The following C3orf20 variants were observed in gnomAD, a reference collection of about 807,000 sequenced individuals.
C3orf20 encodes family with sequence similarity 149 member C.
In C3orf20, 76 loss-of-function variants were observed where a neutral mutation model predicts 88.3. That is an observed-to-expected ratio of 0.86 (90% CI 0.72 to 1.04). The LOEUF is 1.04. C3orf20 is among the 50% of genes least tolerant of loss of function. C3orf20 has a pLI of 0.00. For missense variants in C3orf20, 1,056 were observed against 1,123.3 expected, an observed-to-expected ratio of 0.94 and a Z score of 0.86; for synonymous variants, 436 against 437.4, an observed-to-expected ratio of 1.00 and a Z score of 0.04.
intron 4 of C3orf20, among the ~76,000 whole-genome samples, chr3:14,689,113 TCA>T (rs1264358837): frequency 6.6e-6 from 1 of 152,158 alleles, no homozygotes; most frequent in Non-Finnish European, 1.5e-5. Flanking sequence ...TCTTCTGAAA[TCA>T]CACTTAATTT....
At chr3:14,737,743 T>G (rs1006162732) in intron 12 of C3orf20, among the ~76,000 whole-genome samples, 13 of 152,240 alleles carry the variant, frequency 8.5e-5, no homozygotes, top group African/African-American at 3.1e-4. Flanking sequence ...CTCTGTAGCA[T>G]TTGATGCTGT....
At chr3:14,730,882 T>G (rs1326204303) in intron 12 of C3orf20, among the ~76,000 whole-genome samples, 1 of 152,234 alleles carries the variant, frequency 6.6e-6, no homozygotes. Flanking sequence ...AAGTGGTTTT[T>G]TATTTGCATT....
At chr3:14,771,082 C>A (rs1366552285) in intron 15 of C3orf20, among the ~76,000 whole-genome samples, 1 of 152,180 alleles carries the variant, frequency 6.6e-6, no homozygotes. Flanking sequence ...GAGGCAGAGC[C>A]TTGGGGAGGT....
chr3:14,729,110 C>G (rs1238676834), intron 12 of C3orf20, among the ~76,000 whole-genome samples: 2 of 152,200 alleles, frequency 1.3e-5, no homozygotes. Flanking sequence ...TCTACAGCCA[C>G]TTCCTTGTGA....
rs1249709074 is a variant in C3orf20 at position 14,772,951 on chromosome 3, T to TC, written c.*80dup. 3.8e-6 allele frequency: 4 copies of TC among 1,050,672 alleles called. No individual in the cohort carries two copies. The highest frequency in any genetic ancestry group is 2.6e-4 in the Middle Eastern group (1 of 3,796). 65.1% of individuals were successfully genotyped at this position (1,050,672 alleles called of 1,614,324 possible). A position where few individuals can be genotyped will look rare whatever the true frequency, so the allele number is the denominator to read the frequency against. On this transcript the variant is annotated 3_prime_UTR_variant, in exon 17 of 17. Coordinates refer to ENST00000253697, the MANE Select transcript of C3orf20 (RefSeq NM_032137.5). The surrounding 1 kb of genome is among the most constrained non-coding windows in gnomAD (Gnocchi z 4.2). ...GGCTTCTTGCCAGCCCAGCCCTGCCTCCCCGGTCTCCCACCCTGTCCTCCA... is the reference window on the plus strand; with the variant it reads ...GGCTTCTTGCCAGCCCAGCCCTGCCTCCCCCGGTCTCCCACCCTGTCCTCCA...
chr3:14,741,983 G>A (rs2034912142), intron 12 of C3orf20, among the ~76,000 whole-genome samples: 1 of 152,196 alleles, frequency 6.6e-6, no homozygotes, highest in Admixed American at 6.5e-5. Context: ...TCGCTGGTGG[G>A]CATGTCTGAT....
intron 12 of C3orf20, among the ~76,000 whole-genome samples, chr3:14,729,952 G>A (rs1007621924): frequency 6.6e-6 from 1 of 152,190 alleles, no homozygotes; most frequent in Non-Finnish European, 1.5e-5. Context: ...TCCTAAGTGT[G>A]TAGCTCAATT....
intron 11 of C3orf20, 98 bp from the exon 12 acceptor site, chr3:14,728,341 G>T (rs2034427347): frequency 2.7e-6 from 4 of 1,464,180 alleles, no homozygotes; most frequent in Non-Finnish European, 3.8e-6. Context: ...AGGAGATGGG[G>T]GTGAGCCAAG....
At chr3:14,684,660 C>T (rs976655811) in intron 4 of C3orf20, among the ~76,000 whole-genome samples, 8 of 152,200 alleles carry the variant, frequency 5.3e-5, no homozygotes, top group African/African-American at 1.7e-4. Flanking sequence ...TCTCAAGCTA[C>T]GTGCAGTGAA....
At chr3:14,712,407 A>C (rs1278309855) in intron 7 of C3orf20, among the ~76,000 whole-genome samples, 1 of 152,164 alleles carries the variant, frequency 6.6e-6, no homozygotes, top group Non-Finnish European at 1.5e-5. Flanking sequence ...TAAGATTATA[A>C]ATTTATGTTG....
At chr3:14,703,306 G>A (rs1322626690) in intron 6 of C3orf20, 44 bp downstream of exon 6, 17 of 1,611,248 alleles carry the variant, frequency 1.1e-5, no homozygotes, top group Non-Finnish European at 1.4e-5. Flanking sequence ...AGGGTTCTCA[G>A]AAAGCCTGGC....
chr3:14,766,290 A>G (rs1402660184), intron 15 of C3orf20, among the ~76,000 whole-genome samples: 1 of 152,130 alleles, frequency 6.6e-6, no homozygotes, highest in Admixed American at 6.5e-5. Flanking sequence ...GACTCTTCCC[A>G]ACTGGGCACC....
chr3:14,740,324 G>A (rs933485705), intron 12 of C3orf20, among the ~76,000 whole-genome samples: 1 of 152,198 alleles, frequency 6.6e-6, no homozygotes, highest in Admixed American at 6.5e-5. Flanking sequence ...ACAGGGGAAT[G>A]GCTGGTTGGT....
At chr3:14,705,014 T>C (rs1471201232) in intron 7 of C3orf20, among the ~76,000 whole-genome samples, 1 of 152,200 alleles carries the variant, frequency 6.6e-6, no homozygotes, top group Non-Finnish European at 1.5e-5. Context: ...CATCCTTCTC[T>C]CCCTGGCTCA....
chr3:14,755,769 C>T (rs2035343472), intron 12 of C3orf20, among the ~76,000 whole-genome samples: 1 of 152,144 alleles, frequency 6.6e-6, no homozygotes, highest in Non-Finnish European at 1.5e-5. Flanking sequence ...GCGGCTCACG[C>T]CTGTAATCCC....
intron 15 of C3orf20, among the ~76,000 whole-genome samples, chr3:14,769,845 G>A (rs2035812356): frequency 6.6e-6 from 1 of 152,058 alleles, no homozygotes; most frequent in East Asian, 1.9e-4. Flanking sequence ...CCAACTGCTG[G>A]GACGGAGGGG....
chr3:14,708,471 CTT>C (rs1188139162), intron 7 of C3orf20, among the ~76,000 whole-genome samples: 2 of 140,738 alleles, frequency 1.4e-5, no homozygotes, highest in Non-Finnish European at 1.5e-5. Flanking sequence ...AGTCCTCCCA[CTT>C]TTTTTTTTTT....
chr3:14,763,426 A>C (rs1358418746), intron 15 of C3orf20, among the ~76,000 whole-genome samples: 1 of 151,980 alleles, frequency 6.6e-6, no homozygotes, highest in Non-Finnish European at 1.5e-5. Flanking sequence ...CCTGTTGTAT[A>C]AGGGCACCAA....
chr3:14,772,344 A>C lies in C3orf20; in HGVS notation c.2630+143A>C. 9.5e-7 allele frequency: 1 copy of C among 1,056,334 alleles called. No individual in the cohort carries two copies. The highest frequency in any genetic ancestry group is 1.4e-6 in the Non-Finnish European group (1 of 726,232). The allele number at this position is 1,056,334 out of a possible 1,614,324, so 65.4% of individuals were successfully genotyped here. ...CTGACATCTAGCCCATGTAATCAAC[A>C]CAATATTGGGCGGGCATGCAGGCTG... is the stretch of plus-strand genomic sequence containing the variant. On this transcript the variant is annotated intron_variant, in intron 16 of 16. Coordinates refer to ENST00000253697, the MANE Select transcript of C3orf20 (RefSeq NM_032137.5). This position sits in a 1 kb window ranked among gnomAD's most constrained non-coding sequence, Gnocchi z 4.2.
Sources: gnomAD v4.1 joint callset for allele counts (sites outside exome capture counted in the v4.1 genomes callset) on GRCh38, gnomAD v4.1.1 for gene constraint, Gnocchi (gnomAD v3.1) non-coding constraint, MANE v1.5 for transcripts, NCBI Gene and HGNC (gene_info 2026-07-23, HGNC 2026-07-21) for gene names.